The following STAU2 variants were observed in gnomAD, a reference collection of about 807,000 sequenced individuals.
The protein encoded by STAU2 is staufen double-stranded RNA binding protein 2, also known as double-stranded RNA-binding protein Staufen homolog 2.
In STAU2, 20 loss-of-function variants were observed where a neutral mutation model predicts 65.9. The ratio of observed to expected loss-of-function variants is 0.30; its 90% CI spans 0.21 to 0.44. The LOEUF (loss-of-function observed/expected upper bound fraction) is 0.44, where lower values mean the gene tolerates loss of function less well. Among genes scored for constraint, STAU2 ranks in the 20% least tolerant of loss-of-function variants. The pLI is 1.00. For missense variants in STAU2, 558 were observed against 683.9 expected, an observed-to-expected ratio of 0.82 and a Z score of 2.05; for synonymous variants, 232 against 233.9, an observed-to-expected ratio of 0.99 and a Z score of 0.07.
chr8:73,558,509 AG>A (rs902689017), intron 12 of STAU2, among the ~76,000 whole-genome samples: 1 of 152,212 alleles, frequency 6.6e-6, no homozygotes, highest in African/African-American at 2.4e-5. Flanking sequence ...GAAGAGTTGA[AG>A]AGGGACTTTT....
intron 6 of STAU2, among the ~76,000 whole-genome samples, chr8:73,665,500 A>G (rs1391992318): frequency 6.6e-6 from 1 of 152,188 alleles, no homozygotes; most frequent in Non-Finnish European, 1.5e-5. Context: ...ACTTTTTCCT[A>G]TTGGGTTGAA....
intron 9 of STAU2, among the ~76,000 whole-genome samples, chr8:73,606,204 CTAA>C (rs1361867260): frequency 1.3e-5 from 2 of 151,390 alleles, no homozygotes; most frequent in South Asian, 2.1e-4. Flanking sequence ...TGTAAAAAAA[CTAA>C]TAATAATAAA....
intron 6 of STAU2, among the ~76,000 whole-genome samples, chr8:73,672,637 A>T (rs546022646): frequency 1.7e-3 from 266 of 152,354 alleles, no homozygotes; most frequent in Middle Eastern, 3.4e-3. Flanking sequence ...TGTAAAGTAC[A>T]TGAAAATATA....
intron 6 of STAU2, among the ~76,000 whole-genome samples, chr8:73,649,106 T>C (rs982159146): frequency 5.3e-5 from 8 of 152,222 alleles, no homozygotes; most frequent in Non-Finnish European, 1.0e-4. Context: ...TAAGAGCTTT[T>C]TGATGAAGCT....
chr8:73,567,686 T>C (rs1210766192), intron 12 of STAU2, among the ~76,000 whole-genome samples: 3 of 151,944 alleles, frequency 2.0e-5, no homozygotes, highest in African/African-American at 7.3e-5. Context: ...TAATTGGAAT[T>C]ATAGGCATGT....
chr8:73,619,330 A>G (rs1813059085), intron 6 of STAU2, among the ~76,000 whole-genome samples: 1 of 152,198 alleles, frequency 6.6e-6, no homozygotes, highest in Non-Finnish European at 1.5e-5. Context: ...TTAGCAAAAT[A>G]AACAGAATCG....
At chr8:73,607,559 A>G (rs1250314816) in intron 9 of STAU2, among the ~76,000 whole-genome samples, 1 of 151,596 alleles carries the variant, frequency 6.6e-6, no homozygotes, top group Non-Finnish European at 1.5e-5. Flanking sequence ...GAGAAACCCC[A>G]TCTCTACTAA....
intron 9 of STAU2, among the ~76,000 whole-genome samples, chr8:73,607,620 C>G (rs184017687): frequency 2.6e-5 from 4 of 151,568 alleles, no homozygotes; most frequent in Admixed American, 6.6e-5. Context: ...GTCTGTAATC[C>G]CAGCTACTAG....
chr8:73,739,670 T>A (rs1023924741), intron 2 of STAU2, 86 bp downstream of exon 2: 8 of 1,068,904 alleles, frequency 7.5e-6, no homozygotes, highest in Non-Finnish European at 9.8e-6. Flanking sequence ...TACTGTCACA[T>A]TTCCTATGAG....
intron 13 of STAU2, among the ~76,000 whole-genome samples, chr8:73,518,305 T>C (rs552818610): frequency 2.0e-5 from 3 of 152,320 alleles, no homozygotes; most frequent in Non-Finnish European, 2.9e-5. Flanking sequence ...TGAATAACCA[T>C]GTTTAAGGCA....
At chr8:73,532,141 T>C (rs1805860759) in intron 13 of STAU2, among the ~76,000 whole-genome samples, 1 of 152,012 alleles carries the variant, frequency 6.6e-6, no homozygotes, top group Non-Finnish European at 1.5e-5. Flanking sequence ...GAAATAGAGG[T>C]CATAAGACTG....
intron 13 of STAU2, among the ~76,000 whole-genome samples, chr8:73,451,845 C>T (rs1818816377): frequency 6.6e-6 from 1 of 152,190 alleles, no homozygotes; most frequent in South Asian, 2.1e-4. Context: ...GCAGGTTCAA[C>T]CCAAACCGTG....
intron 13 of STAU2, among the ~76,000 whole-genome samples, chr8:73,512,223 G>A (rs1173433260): frequency 6.6e-6 from 1 of 152,022 alleles, no homozygotes; most frequent in Non-Finnish European, 1.5e-5. Flanking sequence ...CTGTTTTAGC[G>A]ATTCTGGTCT....
At chr8:73,641,123 G>C (rs1814928516) in intron 6 of STAU2, among the ~76,000 whole-genome samples, 2 of 152,128 alleles carry the variant, frequency 1.3e-5, no homozygotes, top group Non-Finnish European at 2.9e-5. Flanking sequence ...ATGTAATATA[G>C]TATTAAAATG....
At chr8:73,723,711 A>G (rs1017866105) in intron 3 of STAU2, among the ~76,000 whole-genome samples, 1 of 152,290 alleles carries the variant, frequency 6.6e-6, no homozygotes, top group East Asian at 1.9e-4. Flanking sequence ...TAAGTCTGAT[A>G]TGGGTCTTTT....
chr8:73,451,377 C>T (rs987539821), intron 13 of STAU2, among the ~76,000 whole-genome samples: 10 of 152,110 alleles, frequency 6.6e-5, no homozygotes, highest in Admixed American at 2.6e-4. Context: ...ATAAATCTTG[C>T]AGCTGACAGA....
chr8:73,613,008 A>C (rs933901007), intron 9 of STAU2, among the ~76,000 whole-genome samples: 2 of 152,226 alleles, frequency 1.3e-5, no homozygotes, highest in African/African-American at 2.4e-5. Context: ...AATGTAAATA[A>C]ATTCTGACCC....
intron 4 of STAU2, among the ~76,000 whole-genome samples, chr8:73,689,300 C>T (rs1214810509): frequency 6.6e-6 from 1 of 152,192 alleles, no homozygotes; most frequent in Non-Finnish European, 1.5e-5. Flanking sequence ...CCACAACAAA[C>T]ATTGAGCCAA....
intron 1 of STAU2, among the ~76,000 whole-genome samples, chr8:73,746,135 T>C (rs1338378466): frequency 3.3e-5 from 5 of 151,986 alleles, no homozygotes; most frequent in African/African-American, 1.2e-4. Context: ...TCATAGGATA[T>C]ATTTTGTCCC....
Sources: gnomAD v4.1 joint callset for allele counts (sites outside exome capture counted in the v4.1 genomes callset) on GRCh38, gnomAD v4.1.1 for gene constraint, MANE v1.5 for transcripts, NCBI Gene and HGNC (gene_info 2026-07-23, HGNC 2026-07-21) for gene names.